Variants in SLC39A3 observed in about 807,000 individuals in gnomAD.
SLC39A3 encodes solute carrier family 39 member 3, also known as zinc transporter ZIP3.
A neutral mutation model predicts 5.1 loss-of-function variants in SLC39A3; 3 were observed. The ratio of observed to expected loss-of-function variants is 0.59; its 90% CI spans 0.27 to 1.54. The LOEUF is 1.54. Among genes scored for constraint, SLC39A3 ranks in the 40% most tolerant of loss-of-function variants. The probability of loss-of-function intolerance (pLI) is 0.12; values close to 1 mark genes in which losing one functional copy is unlikely to be tolerated. For synonymous variants in SLC39A3, 250 were observed against 218.8 expected, an observed-to-expected ratio of 1.14 and a Z score of -1.26; for missense variants, 412 against 436.4, an observed-to-expected ratio of 0.94 and a Z score of 0.50.
rs759018903 is a variant in SLC39A3, at chr19:2,733,321, C to T, written c.375G>A (p.Ser125=). ...CATACTCCGAGTCGCTGCCCACGTC[C>T]GATCCGGCGTTGAAGGTCTCCAGGT... is the stretch of plus-strand genomic sequence containing the variant. ...FIDLETFNAG[S]DVGSDSEYES... is the part of the protein sequence containing the mutation. The change falls in exon 3 of 3, where the codon TCG becomes TCA. Residue 125 remains serine (S), a synonymous_variant. Coordinates refer to ENST00000269740, the MANE Select transcript of SLC39A3 (RefSeq NM_144564.5). The surrounding 1 kb of genome is among the most constrained non-coding windows in gnomAD (Gnocchi z 6.1). 19 of 1,612,940 alleles carry T rather than the reference C, an allele frequency of 1.2e-5. No individual in the cohort carries two copies. Among genetic ancestry groups the T allele is most frequent in the African/African-American group, 1.3e-5 (1 of 74,942 alleles).
chr19:2,739,210 A>G (rs1914474607), intron 1 of SLC39A3, among the ~76,000 whole-genome samples: 1 of 151,900 alleles, frequency 6.6e-6, no homozygotes, highest in African/African-American at 2.4e-5. Context: ...ACAGATACTC[A>G]AAAACCGCTG....
At position 2,734,430 on chromosome 19, in the gene SLC39A3, GCACGCACACA is replaced by G. The variant is rs1568299797; in HGVS notation, c.211-955_211-946del. The stretch of plus-strand genomic sequence containing the variant: ...CACACACACGCATATGTGCACACAC[GCACGCACACA>G]CACGCGCACACGCAGGTGCACACAC... On this transcript the variant is annotated intron_variant, in intron 2 of 2. Coordinates refer to ENST00000269740, the MANE Select transcript of SLC39A3 (RefSeq NM_144564.5). This position sits in a 1 kb window ranked among gnomAD's most constrained non-coding sequence, Gnocchi z 4.6. 1 of 152,276 alleles carries G rather than the reference GCACGCACACA, an allele frequency of 6.6e-6. No homozygotes were observed. The highest frequency in any genetic ancestry group is 1.5e-5 in the Non-Finnish European group (1 of 68,188). The allele number at this position is 152,276 out of a possible 1,614,324, so 9.4% of individuals were successfully genotyped here.
chr19:2,736,985 T>C (rs754719156), intron 2 of SLC39A3, 63 bp downstream of exon 2: 12 of 1,604,464 alleles, frequency 7.5e-6, no homozygotes, highest in Non-Finnish European at 1.0e-5. Context: ...GTGTTGAAAA[T>C]GCATCAGAGT....
chr19:2,733,239 G>C lies in SLC39A3; in HGVS notation c.457C>G (p.His153Asp). The change falls in exon 3 of 3, where the codon CAC (histidine) becomes GAC (aspartate). Residue 153 changes from histidine (H) to aspartate (D), a missense_variant. By Grantham distance (81) the His-to-Asp change is moderately conservative (BLOSUM62 -1). Transcript: ENST00000269740. The surrounding 1 kb of genome is among the most constrained non-coding windows in gnomAD (Gnocchi z 6.1). ...CCCTGCACGCTCAGGCTGGGGCCGT[G>C]GCCGTGGGGCTCCACGTACAGCGCG... ...GHALYVEPHG[H>D]GPSLSVQGLS... is the part of the protein sequence containing the mutation. The C allele has an allele frequency of 6.2e-7, 1 of 1,609,102 alleles. No homozygotes were observed. The highest frequency in any genetic ancestry group is 1.7e-4 in the Middle Eastern group (1 of 6,050).
In SLC39A3 at chr19:2,733,522, C is replaced by A. The variant is rs1219314002; in HGVS notation, c.211-37G>T. On this transcript the variant is annotated intron_variant, in intron 2 of 2. Coordinates refer to ENST00000269740, the MANE Select transcript of SLC39A3 (RefSeq NM_144564.5). The surrounding 1 kb of genome is among the most constrained non-coding windows in gnomAD (Gnocchi z 6.1). ...GACACCCGAGAGAGAGAGAGAGACC[C>A]ACGCTCAGGGGTGGCGGCGACAGGG... is the stretch of plus-strand genomic sequence containing the variant. 1 of 1,573,886 alleles carries A rather than the reference C, an allele frequency of 6.4e-7. No individual in the cohort carries two copies. The highest frequency in any genetic ancestry group is 2.3e-5 in the East Asian group (1 of 44,394).
Position 2,734,644 on chromosome 19 carries a change from T to C in SLC39A3, c.211-1159A>G. On this transcript the variant is annotated intron_variant, in intron 2 of 2. Transcript: ENST00000269740. The surrounding 1 kb of genome is among the most constrained non-coding windows in gnomAD (Gnocchi z 4.6). ...CACTGCAGGGTGCTGCTGAGCAGTG[T>C]CTCTGGCCTCCACCCACTCCAGGCC... is the stretch of plus-strand genomic sequence containing the variant. The C allele has an allele frequency of 1.4e-6, 1 of 739,102 alleles. No homozygotes were observed. Among genetic ancestry groups the C allele is most frequent in the Non-Finnish European group, 1.7e-6 (1 of 604,790 alleles). 45.8% of individuals were successfully genotyped at this position (739,102 alleles called of 1,614,324 possible).
chr19:2,733,630 C>T lies in SLC39A3; in HGVS notation c.211-145G>A, dbSNP rs960016607. ...TAAAACAAGTGGGAGAGGAAGGGCTCGCCTGTGATGAATTAACACCACCAC... is the reference window on the plus strand; with the variant it reads ...TAAAACAAGTGGGAGAGGAAGGGCTTGCCTGTGATGAATTAACACCACCAC... On this transcript the variant is annotated intron_variant, in intron 2 of 2. Coordinates refer to ENST00000269740, the MANE Select transcript of SLC39A3 (RefSeq NM_144564.5). The surrounding 1 kb of genome is among the most constrained non-coding windows in gnomAD (Gnocchi z 6.1). 17 of 1,105,666 alleles carry T rather than the reference C, an allele frequency of 1.5e-5. No individual in the cohort carries two copies. The South Asian group carries it at 1.7e-4, about 11-fold the overall frequency. The allele number at this position is 1,105,666 out of a possible 1,614,324, so 68.5% of individuals were successfully genotyped here.
intron 1 of SLC39A3, among the ~76,000 whole-genome samples, chr19:2,738,199 CAAAAAAAAA>C (rs781639261): frequency 2.0e-5 from 1 of 50,906 alleles, no homozygotes; most frequent in African/African-American, 6.2e-5. Flanking sequence ...AACTCCATCT[CAAAAAAAAA>C]AAAAAAAAAA....
In SLC39A3 at chr19:2,732,916, C is replaced by A. The variant is rs138893432; in HGVS notation, c.780G>T (p.Val260=). The change falls in exon 3 of 3, where the codon GTG becomes GTT. Residue 260 remains valine, a synonymous_variant. Transcript: ENST00000269740. ...IESAQGVPGS[V]ASVLLQGLAG... ...CCAGGCCCTGCAGCAGCACGGACGC[C>A]ACGCTGCCCGGCACGCCCTGGGCGC... The A allele has an allele frequency of 3.0e-5, 49 of 1,610,816 alleles. No individual in the cohort carries two copies. The highest frequency in any genetic ancestry group is 3.3e-4 in the Middle Eastern group (2 of 6,074).
Position 2,734,027 on chromosome 19 carries a change from C to G in SLC39A3, c.211-542G>C, listed in dbSNP as rs1331530160. ...CTTCCCTGACCGACATGCCTGGGCC[C>G]GACTCTCCTCCTGGTCAGGGCTCTC... is the stretch of plus-strand genomic sequence containing the variant. On this transcript the variant is annotated intron_variant, in intron 2 of 2. Transcript: ENST00000269740. This position sits in a 1 kb window ranked among gnomAD's most constrained non-coding sequence, Gnocchi z 4.6. 6.6e-6 allele frequency among the ~76,000 whole-genome samples: 1 copy of G among 152,306 alleles called. No homozygotes were observed. The highest frequency in any genetic ancestry group is 3.4e-3 in the Middle Eastern group (1 of 294).
At chr19:2,739,249 T>C (rs928438846) in intron 1 of SLC39A3, among the ~76,000 whole-genome samples, 1 of 152,086 alleles carries the variant, frequency 6.6e-6, no homozygotes, top group Non-Finnish European at 1.5e-5. Flanking sequence ...GGGAAGCGTG[T>C]GGCCACTGAT....
At position 2,732,829 on chromosome 19, in the gene SLC39A3, C is replaced by T; in HGVS notation, c.867G>A (p.Lys289=). 6.2e-7 allele frequency: 1 copy of T among 1,611,920 alleles called. No individual in the cohort carries two copies. The highest frequency in any genetic ancestry group is 8.5e-7 in the Non-Finnish European group (1 of 1,179,338). The change falls in exon 3 of 3, where the codon AAG becomes AAA. Residue 289 remains lysine (K), a synonymous_variant. Coordinates refer to ENST00000269740, the MANE Select transcript of SLC39A3 (RefSeq NM_144564.5). The stretch of plus-strand genomic sequence containing the variant: ...AGAGGACCTTGAGCAGACGGTCACT[C>T]TTCTCCTCCAGCTCCTTGGCCAGGA... ...LEILAKELEE[K]SDRLLKVLFL... is the part of the protein sequence containing the mutation.
In SLC39A3 at chr19:2,737,384, G is replaced by C; in HGVS notation, c.-122-5C>G. On this transcript the variant is annotated splice_region_variant and splice_polypyrimidine_tract_variant and intron_variant, in intron 1 of 2. Coordinates refer to ENST00000269740, the MANE Select transcript of SLC39A3 (RefSeq NM_144564.5). ...GCTCATGTCTCAGTCCAGCAACTGT[G>C]AACATCAGGGGCACTGCATTAGCTT... The C allele has an allele frequency of 1.4e-6, 2 of 1,439,848 alleles. No homozygotes were observed. The highest frequency in any genetic ancestry group is 1.8e-6 in the Non-Finnish European group (2 of 1,085,312). The allele number at this position is 1,439,848 out of a possible 1,614,324, so 89.2% of individuals were successfully genotyped here.
Position 2,735,873 on chromosome 19 carries a change from C to G in SLC39A3, c.210+1175G>C. ...GATTTAATCCCAGACAACAGCCCTT[C>G]TCCTCCTTTCTGGACACTAGGCACG... On this transcript the variant is annotated intron_variant, in intron 2 of 2. Coordinates refer to ENST00000269740, the MANE Select transcript of SLC39A3 (RefSeq NM_144564.5). The surrounding 1 kb of genome is among the most constrained non-coding windows in gnomAD (Gnocchi z 5.7). 2 of 985,396 alleles carry G rather than the reference C, an allele frequency of 2.0e-6. No individual in the cohort carries two copies. The highest frequency in any genetic ancestry group is 2.4e-6 in the Non-Finnish European group (2 of 829,910). 61.0% of individuals were successfully genotyped at this position (985,396 alleles called of 1,614,324 possible). A position where few individuals can be genotyped will look rare whatever the true frequency, so the allele number is the denominator to read the frequency against.
intron 2 of SLC39A3, chr19:2,736,294 G>A: frequency 8.1e-6 from 5 of 615,954 alleles, no homozygotes; most frequent in Non-Finnish European, 1.0e-5. Context: ...CTAACCAGCA[G>A]GACACTGGGG....
chr19:2,733,621 G>C lies in SLC39A3; in HGVS notation c.211-136C>G. 3 of 1,179,004 alleles carry C rather than the reference G, an allele frequency of 2.5e-6. No homozygotes were observed. Among genetic ancestry groups the C allele is most frequent in the African/African-American group, 3.1e-5 (2 of 64,818 alleles). 73.0% of individuals were successfully genotyped at this position (1,179,004 alleles called of 1,614,324 possible). ...CACAGAGGTTAAAACAAGTGGGAGA[G>C]GAAGGGCTCGCCTGTGATGAATTAA... On this transcript the variant is annotated intron_variant, in intron 2 of 2. Coordinates refer to ENST00000269740, the MANE Select transcript of SLC39A3 (RefSeq NM_144564.5). This position sits in a 1 kb window ranked among gnomAD's most constrained non-coding sequence, Gnocchi z 6.1.
intron 1 of SLC39A3, 176 bp from the exon 2 acceptor site, chr19:2,737,555 G>T: frequency 2.7e-6 from 1 of 366,974 alleles, no homozygotes. Flanking sequence ...ACAGACACGC[G>T]CCACCACTCC....
rs200104909 is a variant in SLC39A3, at chr19:2,733,153, C to T, written c.543G>A (p.Ser181=). ...GGCCCAGGGCCAGGCCCTCAAAGAC[C>T]GAGTGGGCCGACAGCGCGAAGGCCA... ...LSLAFALSAH[S]VFEGLALGLQ... The change falls in exon 3 of 3, where the codon TCG becomes TCA. Residue 181 remains serine, a synonymous_variant. Transcript: ENST00000269740. This position sits in a 1 kb window ranked among gnomAD's most constrained non-coding sequence, Gnocchi z 6.1. The T allele has an allele frequency of 1.5e-4, 239 of 1,610,638 alleles. 1 individual carries two copies. Among genetic ancestry groups the T allele is most frequent in the Non-Finnish European group, 1.8e-4 (213 of 1,179,026 alleles).
chr19:2,733,192 C>T lies in SLC39A3; in HGVS notation c.504G>A (p.Val168=), dbSNP rs569363399. The change falls in exon 3 of 3, where the codon GTG becomes GTA. Residue 168 remains valine, a synonymous_variant. Coordinates refer to ENST00000269740, the MANE Select transcript of SLC39A3 (RefSeq NM_144564.5). The surrounding 1 kb of genome is among the most constrained non-coding windows in gnomAD (Gnocchi z 6.1). ...SVQGLSRASP[V]RLLSLAFALS... is the part of the protein sequence containing the mutation. The stretch of plus-strand genomic sequence containing the variant: ...GCGCGAAGGCCAGGCTGAGCAGGCG[C>T]ACGGGGCTGGCGCGCGAGAGGCCCT... 3.0e-5 allele frequency: 48 copies of T among 1,607,898 alleles called. No individual in the cohort carries two copies. In the East Asian group the frequency reaches 6.3e-4, roughly 21 times the overall value.
Sources: gnomAD v4.1 joint callset for allele counts (sites outside exome capture counted in the v4.1 genomes callset) on GRCh38, gnomAD v4.1.1 for gene constraint, Gnocchi (gnomAD v3.1) non-coding constraint, MANE v1.5 for transcripts, NCBI Gene and HGNC (gene_info 2026-07-23, HGNC 2026-07-21) for gene names.